Variants in RHBDL2 observed in about 807,000 individuals in gnomAD.
RHBDL2 encodes rhomboid like 2.
A neutral mutation model predicts 31.7 loss-of-function variants in RHBDL2; 26 were observed. The observed-to-expected ratio is 0.82, with a 90% confidence interval of 0.60 to 1.14. The LOEUF (loss-of-function observed/expected upper bound fraction) is 1.14. RHBDL2 is among the 50% of genes most tolerant of loss of function. RHBDL2 has a pLI of 0.00. For missense variants in RHBDL2, 336 were observed against 364.4 expected, an observed-to-expected ratio of 0.92 and a Z score of 0.63; for synonymous variants, 123 against 127.2, an observed-to-expected ratio of 0.97 and a Z score of 0.22.
At chr1:38,911,919 G>A (rs890667715) in intron 3 of RHBDL2, among the ~76,000 whole-genome samples, 14 of 151,700 alleles carry the variant, frequency 9.2e-5, no homozygotes, top group Non-Finnish European at 7.4e-5. Context: ...CGATTCTCCC[G>A]CTTCAGCCTC....
At chr1:38,920,773 A>AT (rs370633950) in intron 1 of RHBDL2, among the ~76,000 whole-genome samples, 7,052 of 137,252 alleles carry the variant, frequency 0.051, 560 homozygotes, top group African/African-American at 0.17. Context: ...CACCTGGCTA[A>AT]TTTTTTTTTT....
intron 4 of RHBDL2, among the ~76,000 whole-genome samples, chr1:38,900,639 T>G (rs1642977281): frequency 1.4e-5 from 2 of 146,514 alleles, no homozygotes; most frequent in Non-Finnish European, 3.0e-5. Flanking sequence ...AAAAAAAGAG[T>G]CACTTGAACC....
intron 1 of RHBDL2, among the ~76,000 whole-genome samples, chr1:38,934,291 T>C (rs1375380626): frequency 6.6e-6 from 1 of 151,774 alleles, no homozygotes; most frequent in Non-Finnish European, 1.5e-5. Context: ...GAGGTTGCAG[T>C]GAGTCGAGAT....
intron 1 of RHBDL2, among the ~76,000 whole-genome samples, chr1:38,924,551 G>T (rs1276269426): frequency 6.6e-6 from 1 of 151,680 alleles, no homozygotes; most frequent in African/African-American, 2.4e-5. Context: ...CCGAGATTGC[G>T]CCACTGCACT....
chr1:38,919,422 G>T, intron 1 of RHBDL2, 85 bp from the exon 2 acceptor site: 2 of 1,315,652 alleles, frequency 1.5e-6, no homozygotes, highest in Non-Finnish European at 2.0e-6. Flanking sequence ...CTATGTAATT[G>T]TTTTAAAAAG....
chr1:38,898,872 G>A (rs1276003633), intron 4 of RHBDL2, among the ~76,000 whole-genome samples: 4 of 152,194 alleles, frequency 2.6e-5, no homozygotes, highest in East Asian at 1.9e-4. Flanking sequence ...GCACCAGAGA[G>A]GCTAAGTAAC....
intron 1 of RHBDL2, among the ~76,000 whole-genome samples, 168 bp downstream of exon 1, chr1:38,941,514 C>A (rs1055657392): frequency 1.3e-5 from 2 of 152,156 alleles, no homozygotes; most frequent in Non-Finnish European, 2.9e-5. Flanking sequence ...GTAGCAGGAT[C>A]CAAAGCGGCC....
intron 4 of RHBDL2, among the ~76,000 whole-genome samples, chr1:38,901,278 G>C (rs1041017052): frequency 1.3e-5 from 2 of 150,902 alleles, no homozygotes; most frequent in African/African-American, 4.9e-5. Context: ...CCTGGCCAAA[G>C]TGGCGAAACC....
At position 38,886,419 on chromosome 1, in the gene RHBDL2, TTC is replaced by T. The variant is rs1378529903; in HGVS notation, c.*83_*84del. Reference sequence around the variant, plus strand: ...TAAAATTGTTAGCCTTTTCTGAGACTTCTCTGTTTCTTCATAGAGTCTTCCTT... The same window carrying T: ...TAAAATTGTTAGCCTTTTCTGAGACTTCTGTTTCTTCATAGAGTCTTCCTT... On this transcript the variant is annotated 3_prime_UTR_variant, in exon 8 of 8. Transcript: ENST00000372990. 2.2e-5 allele frequency: 24 copies of T among 1,078,558 alleles called. No individual in the cohort carries two copies. In the African/African-American group the frequency reaches 3.3e-4, roughly 15 times the overall value. The allele number at this position is 1,078,558 out of a possible 1,614,324, so 66.8% of individuals were successfully genotyped here. A position where few individuals can be genotyped will look rare whatever the true frequency, so the allele number is the denominator to read the frequency against.
Position 38,908,913 on chromosome 1 carries a change from C to A in RHBDL2, c.508+2409G>T, listed in dbSNP as rs191983569. On this transcript the variant is annotated intron_variant, in intron 4 of 7. Transcript: ENST00000372990. Reference sequence around the variant, plus strand: ...AACACGTGGGCTTGGAGAATGAGTGCAAGGTTTTATTGAGTGGAAGTAGCT... The same window carrying A: ...AACACGTGGGCTTGGAGAATGAGTGAAAGGTTTTATTGAGTGGAAGTAGCT... 2.0e-3 allele frequency among the ~76,000 whole-genome samples: 305 copies of A among 152,256 alleles called. 2 individuals carry two copies. Among genetic ancestry groups the A allele is most frequent in the African/African-American group, 6.7e-3 (277 of 41,530 alleles).
rs537204914 is a variant in RHBDL2 at position 38,894,472 on chromosome 1, G to A, written c.610-1248C>T. ...AGAGTAGCTGGGACTACAGGTGCGT[G>A]CCACCACACCCAGCTAATTTTTGTA... On this transcript the variant is annotated intron_variant, in intron 5 of 7. Transcript: ENST00000372990. 3.7e-3 allele frequency among the ~76,000 whole-genome samples: 562 copies of A among 151,660 alleles called. 4 individuals carry two copies. Among genetic ancestry groups the A allele is most frequent in the African/African-American group, 0.013 (530 of 41,342 alleles).
intron 4 of RHBDL2, among the ~76,000 whole-genome samples, chr1:38,903,284 C>G (rs915417536): frequency 1.3e-5 from 2 of 151,686 alleles, no homozygotes; most frequent in Non-Finnish European, 2.9e-5. Context: ...GGATTACAGG[C>G]GCCCACCACC....
intron 4 of RHBDL2, 92 bp from the exon 5 acceptor site, chr1:38,896,161 G>T (rs1167113929): frequency 8.5e-6 from 8 of 946,106 alleles, no homozygotes; most frequent in Non-Finnish European, 1.3e-5. Flanking sequence ...GGGAAGTCTG[G>T]TCTATTATCA....
At chr1:38,927,585 G>C (rs893712182) in intron 1 of RHBDL2, among the ~76,000 whole-genome samples, 1 of 152,116 alleles carries the variant, frequency 6.6e-6, no homozygotes, top group African/African-American at 2.4e-5. Flanking sequence ...TTGAAGAATA[G>C]CCTGCCTTGT....
At position 38,929,659 on chromosome 1, in the gene RHBDL2, T is replaced by G. The variant is rs1570941596; in HGVS notation, c.-125-10322A>C. The stretch of plus-strand genomic sequence containing the variant: ...AGGCTGGGCAGCGGGCTGTGCTGGG[T>G]GTAGCCAATTGCTGCCCAGCTGGGG... On this transcript the variant is annotated intron_variant, in intron 1 of 7. Transcript: ENST00000372990. 1.5e-5 allele frequency: 16 copies of G among 1,087,194 alleles called. No homozygotes were observed. In the South Asian group the frequency reaches 2.5e-4, roughly 17 times the overall value. 67.3% of individuals were successfully genotyped at this position (1,087,194 alleles called of 1,614,324 possible). A position where few individuals can be genotyped will look rare whatever the true frequency, so the allele number is the denominator to read the frequency against.
At position 38,887,971 on chromosome 1, in the gene RHBDL2, C is replaced by T. The variant is rs1228781697; in HGVS notation, c.724G>A (p.Gly242Arg). The T allele has an allele frequency of 6.2e-7, 1 of 1,608,826 alleles. No individual in the cohort carries two copies. Among genetic ancestry groups the T allele is most frequent in the East Asian group, 2.2e-5 (1 of 44,810 alleles). ...AAAGAAACTGAACTCACCGGAGACC[C>T]ATCTTCAGGAACAAAGAACCTTCTA... ...LYRRFFVPEDGSPVSFAAHIA... is the reference protein window; with the variant it reads ...LYRRFFVPEDRSPVSFAAHIA... Residue 242 changes from glycine (G) to arginine (R), a missense_variant, in exon 7 of 8, where the codon GGG (glycine) becomes AGG (arginine). Gly to Arg is a moderately radical substitution (Grantham distance 125). Coordinates refer to ENST00000372990, the MANE Select transcript of RHBDL2 (RefSeq NM_017821.5).
At chr1:38,927,201 G>T (rs1379255064) in intron 1 of RHBDL2, among the ~76,000 whole-genome samples, 1 of 152,180 alleles carries the variant, frequency 6.6e-6, no homozygotes, top group Non-Finnish European at 1.5e-5. Flanking sequence ...GCCAAGGCGG[G>T]TGGATCACAA....
intron 5 of RHBDL2, among the ~76,000 whole-genome samples, chr1:38,894,317 G>T (rs1303501577): frequency 6.8e-6 from 1 of 146,212 alleles, no homozygotes; most frequent in Non-Finnish European, 1.5e-5. Flanking sequence ...CTAGAATTTT[G>T]TTGTTGTTGT....
chr1:38,886,782 T>A, intron 7 of RHBDL2, 99 bp from the exon 8 acceptor site: 2 of 978,530 alleles, frequency 2.0e-6, no homozygotes, highest in Non-Finnish European at 2.9e-6. Context: ...CCGTCACAGT[T>A]AAACAAGAGT....
Sources: allele counts gnomAD v4.1 joint callset (sites outside exome capture counted in the v4.1 genomes callset), GRCh38; gene constraint gnomAD v4.1.1; transcripts MANE v1.5; gene names NCBI Gene and HGNC (gene_info 2026-07-23, HGNC 2026-07-21).